Variants in AP1M2 observed in about 807,000 individuals in gnomAD.
AP1M2 encodes AP-1 complex subunit mu-2.
Under a neutral mutation model 54.6 loss-of-function variants are expected in AP1M2, and 41 were observed. The observed-to-expected ratio is 0.75, with a 90% CI of 0.59 to 0.97. The LOEUF is 0.97. AP1M2 is among the 50% of genes least tolerant of loss of function. The pLI, the probability that AP1M2 is intolerant of heterozygous loss-of-function variation, is 0.00. For missense variants in AP1M2, 507 were observed against 561.2 expected (o/e 0.90, Z 0.98); for synonymous variants, 219 against 215.9 (o/e 1.01, Z -0.13).
At chr19:10,584,162 T>C in intron 1 of AP1M2, 92 bp from the exon 2 acceptor site, 1 of 1,456,396 alleles carries the variant, frequency 6.9e-7, no homozygotes, top group South Asian at 1.3e-5. Context: ...CCCTACTTCC[T>C]AGCTGAGGGG....
In AP1M2 at chr19:10,583,688, T is replaced by G. The variant is rs765640187; in HGVS notation, c.200-15A>C. On this transcript the variant is annotated splice_polypyrimidine_tract_variant and intron_variant, in intron 2 of 11. Transcript: ENST00000250244. ...GGTGGCCACCACTGGGGCAGCAAGG[T>G]TAAGGAAAAGGTGCCATTTATGGAG... The G allele has an allele frequency of 2.5e-5, 41 of 1,611,220 alleles. No individual in the cohort carries two copies. The highest frequency in any genetic ancestry group is 3.2e-5 in the Non-Finnish European group (38 of 1,178,284).
intron 1 of AP1M2, among the ~76,000 whole-genome samples, chr19:10,586,975 TC>T (rs370374086): frequency 8.7e-4 from 132 of 152,208 alleles, no homozygotes; most frequent in African/African-American, 3.0e-3. Context: ...CCTCTGTTGC[TC>T]CCATTTTTAC....
Position 10,579,796 on chromosome 19 carries a change from G to C in AP1M2, c.736C>G (p.Arg246Gly). ...GAGATGGTGCGGTCGTTGTCAAAGC[G>C]AGAGAGCCGCACGCACTGGTGGAAT... ...VKFHQCVRLS[R>G]FDNDRTISFI... The change falls in exon 7 of 12, where the codon CGC (arginine) becomes GGC (glycine). Residue 246 changes from arginine to glycine, a missense_variant. Transcript: ENST00000250244. The C allele has an allele frequency of 6.2e-7, 1 of 1,613,804 alleles. No homozygotes were observed. Among genetic ancestry groups the C allele is most frequent in the South Asian group, 1.1e-5 (1 of 91,046 alleles).
rs1483549826 is a variant in AP1M2 at position 10,584,067 on chromosome 19, AT to A, written c.45del (p.Leu16Ter). ...TCGCCCTTGTAGTTGCGGCTGATCA[AT>A]GGCTGAGGGTGGAAGGAAAGGACCT... ...AVFILDVKGK[P>X]LISRNYKGDV... On this transcript the variant is annotated frameshift_variant and splice_region_variant, in exon 2 of 12. Transcript: ENST00000250244. LOFTEE classifies it high-confidence loss of function. 3 of 1,608,960 alleles carry A rather than the reference AT, an allele frequency of 1.9e-6. No individual in the cohort carries two copies. Among genetic ancestry groups the A allele is most frequent in the Non-Finnish European group, 2.5e-6 (3 of 1,178,022 alleles).
intron 1 of AP1M2, among the ~76,000 whole-genome samples, chr19:10,585,284 A>G (rs1040708067): frequency 3.3e-4 from 9 of 27,532 alleles, no homozygotes; most frequent in East Asian, 1.2e-3. Context: ...AAGAAGAAAA[A>G]AAGAAAGAAA....
In AP1M2 at chr19:10,583,586, A is replaced by C. The variant is rs1917532141; in HGVS notation, c.267+20T>G. 6.3e-7 allele frequency: 1 copy of C among 1,576,384 alleles called. No individual in the cohort carries two copies. Among genetic ancestry groups the C allele is most frequent in the South Asian group, 1.1e-5 (1 of 89,626 alleles). ...GGATAGACGGATAGACCAGTTAGCC[A>C]ATGGGAGGCTAGTACCTACCTCTAT... On this transcript the variant is annotated intron_variant, in intron 3 of 11. Transcript: ENST00000250244.
At chr19:10,577,159 C>A in intron 9 of AP1M2, 39 bp downstream of exon 9, 1 of 1,574,420 alleles carries the variant, frequency 6.4e-7, no homozygotes, top group East Asian at 2.3e-5. Context: ...ACTCCAGTCC[C>A]CTCCACCCCC....
At chr19:10,577,435 T>TA in intron 8 of AP1M2, 79 bp from the exon 9 acceptor site, 1 of 1,223,180 alleles carries the variant, frequency 8.2e-7, no homozygotes, top group Non-Finnish European at 1.1e-6. Flanking sequence ...TTTTTTTTTT[T>TA]TTTTTTTTTT....
chr19:10,575,935 T>A (rs1478636846), intron 9 of AP1M2, among the ~76,000 whole-genome samples: 1 of 147,212 alleles, frequency 6.8e-6, no homozygotes, highest in East Asian at 2.0e-4. Flanking sequence ...CCAGCTAATT[T>A]TTTTTTTTTT....
At chr19:10,579,882 AGAGT>A in intron 6 of AP1M2, 24 bp from the exon 7 acceptor site, 2 of 1,569,448 alleles carry the variant, frequency 1.3e-6, no homozygotes, top group East Asian at 2.3e-5. Flanking sequence ...TGGAGAGTGG[AGAGT>A]GACCCTGGGA....
At chr19:10,582,830 CTTT>C (rs142077500) in intron 3 of AP1M2, among the ~76,000 whole-genome samples, 5 of 144,978 alleles carry the variant, frequency 3.4e-5, no homozygotes, top group Non-Finnish European at 3.0e-5. Context: ...ATGGTGGCTT[CTTT>C]TTTTTTTTTT....
At chr19:10,586,896 T>C (rs529766699) in intron 1 of AP1M2, among the ~76,000 whole-genome samples, 2 of 152,256 alleles carry the variant, frequency 1.3e-5, no homozygotes, top group East Asian at 3.9e-4. Context: ...GTCCCTAATA[T>C]TTCCAGAAAG....
chr19:10,580,279 A>C (rs961248492), intron 6 of AP1M2, among the ~76,000 whole-genome samples: 14 of 151,488 alleles, frequency 9.2e-5, no homozygotes, highest in African/African-American at 3.4e-4. Context: ...TCAAATTCCC[A>C]ACCTCAGGTG....
At chr19:10,585,356 AT>A (rs1917625358) in intron 1 of AP1M2, among the ~76,000 whole-genome samples, 1 of 151,784 alleles carries the variant, frequency 6.6e-6, no homozygotes, top group Non-Finnish European at 1.5e-5. Flanking sequence ...AGAAAGAAAG[AT>A]GACAGTTCAT....
intron 11 of AP1M2, 50 bp from the exon 12 acceptor site, chr19:10,573,138 G>C (rs369930144): frequency 4.6e-6 from 7 of 1,513,402 alleles, no homozygotes; most frequent in Non-Finnish European, 1.8e-6. Flanking sequence ...GGAGAGGGGG[G>C]CCGGGCACGG....
rs1568432510 is a variant in AP1M2, at chr19:10,581,366, C to T, written c.573G>A (p.Leu191=). Residue 191 remains leucine (L), a synonymous_variant, in exon 6 of 12, where the codon CTG becomes CTA. Transcript: ENST00000250244. ...LLVNANGSVL[L]SEIVGTIKLK... is the part of the protein sequence containing the mutation. Reference sequence around the variant, plus strand: ...GCTTGATGGTACCGACGATTTCGCTCAGAAGGACGCTGCCGTTGGCATTGA... The same window carrying T: ...GCTTGATGGTACCGACGATTTCGCTTAGAAGGACGCTGCCGTTGGCATTGA... The T allele has an allele frequency of 6.2e-7, 1 of 1,612,830 alleles. No individual in the cohort carries two copies. The highest frequency in any genetic ancestry group is 8.5e-7 in the Non-Finnish European group (1 of 1,178,934).
chr19:10,581,682 C>T lies in AP1M2; in HGVS notation c.399-48G>A, dbSNP rs200971288. 1.1e-5 allele frequency: 18 copies of T among 1,611,916 alleles called. No individual in the cohort carries two copies. The East Asian group carries it at 2.5e-4, about 22-fold the overall frequency. The stretch of plus-strand genomic sequence containing the variant: ...AAGCAGCTGGACCCAGGGACACCTC[C>T]GTGGACCTCCTCCAGTTCCTTACAC... On this transcript the variant is annotated intron_variant, in intron 4 of 11. Coordinates refer to ENST00000250244, the MANE Select transcript of AP1M2 (RefSeq NM_005498.5).
Position 10,583,615 on chromosome 19 carries a change from CT to C in AP1M2, c.257del (p.Lys86ArgfsTer3). On this transcript the variant is annotated frameshift_variant, in exon 3 of 12. Transcript: ENST00000250244. LOFTEE classifies it high-confidence loss of function. ...NASLVYSFLY[K>X]TIEVFCEYFK... ...GGAGGCTAGTACCTACCTCTATTGT[CT>C]TATACAGGAAGGAGTACACCAGGGA... 1 of 1,611,786 alleles carries C rather than the reference CT, an allele frequency of 6.2e-7. No homozygotes were observed. Among genetic ancestry groups the C allele is most frequent in the Non-Finnish European group, 8.5e-7 (1 of 1,178,246 alleles).
At chr19:10,574,609 G>T in intron 10 of AP1M2, 117 bp from the exon 11 acceptor site, 1 of 895,304 alleles carries the variant, frequency 1.1e-6, no homozygotes, top group Non-Finnish European at 1.7e-6. Flanking sequence ...TCGATGAGGG[G>T]ATATCACATG....
Sources: gnomAD v4.1 joint callset for allele counts (sites outside exome capture counted in the v4.1 genomes callset) on GRCh38, gnomAD v4.1.1 for gene constraint, MANE v1.5 for transcripts, NCBI Gene and HGNC (gene_info 2026-07-23, HGNC 2026-07-21) for gene names.